Variants in STK3 observed in about 807,000 individuals in gnomAD.
STK3 encodes serine/threonine-protein kinase 3.
A neutral mutation model predicts 58.0 loss-of-function variants in STK3; 41 were observed. That is an observed-to-expected ratio of 0.71 (90% CI 0.55 to 0.92). The LOEUF (loss-of-function observed/expected upper bound fraction) is 0.92. STK3 is among the 40% of genes least tolerant of loss of function. The pLI, the probability that STK3 is intolerant of heterozygous loss-of-function variation, is 0.00. For synonymous variants in STK3, 170 were observed against 191.0 expected (o/e 0.89, Z 0.91); for missense variants, 479 against 602.7 (o/e 0.79, Z 2.15).
At chr8:98,894,444 T>C (rs1453057901) in intron 1 of STK3, among the ~76,000 whole-genome samples, 1 of 152,214 alleles carries the variant, frequency 6.6e-6, no homozygotes, top group Non-Finnish European at 1.5e-5. Flanking sequence ...CACTAGAACA[T>C]AAACTGTCAC....
intron 10 of STK3, among the ~76,000 whole-genome samples, chr8:98,475,758 T>C (rs1357622348): frequency 6.6e-6 from 1 of 152,146 alleles, no homozygotes; most frequent in African/African-American, 2.4e-5. Context: ...AGCTAAAACT[T>C]TGAGAATTAT....
chr8:98,374,656 G>A (rs564957462), intron 2 of STK3, among the ~76,000 whole-genome samples: 2 of 152,244 alleles, frequency 1.3e-5, no homozygotes, highest in East Asian at 1.9e-4. Context: ...AAAAACATCA[G>A]CTAAAACAGA....
chr8:98,876,071 G>C (rs1837550660), intron 3 of STK3, among the ~76,000 whole-genome samples: 1 of 152,156 alleles, frequency 6.6e-6, no homozygotes, highest in African/African-American at 2.4e-5. Context: ...AGTGGTTCTT[G>C]GTGTTCAGTC....
the STK3 span, among the ~76,000 whole-genome samples, chr8:98,362,809 C>A: frequency 6.6e-6 from 1 of 152,232 alleles, no homozygotes; most frequent in African/African-American, 2.4e-5. Context: ...GCTCCCTTCA[C>A]TTCCTTAGCC....
At chr8:98,521,425 CTTGT>C (rs1446336144) in intron 10 of STK3, among the ~76,000 whole-genome samples, 1 of 151,964 alleles carries the variant, frequency 6.6e-6, no homozygotes, top group Non-Finnish European at 1.5e-5. Context: ...CCTCCTCATT[CTTGT>C]TTTTCTTTTC....
At chr8:98,912,266 C>G (rs577227175) in intron 1 of STK3, among the ~76,000 whole-genome samples, 2 of 152,032 alleles carry the variant, frequency 1.3e-5, no homozygotes, top group South Asian at 2.1e-4. Context: ...GTAATCCTAG[C>G]TACTTGGAGG....
At chr8:98,879,859 C>T (rs1041683160), downstream of STK3, 3 of 152,092 alleles carry the variant, frequency 2.0e-5, no homozygotes, top group African/African-American at 7.2e-5. Context: ...GTTATTCAAA[C>T]GTGCTAAGCA....
chr8:98,729,374 T>C (rs1266440676), intron 4 of STK3, among the ~76,000 whole-genome samples: 1 of 152,186 alleles, frequency 6.6e-6, no homozygotes, highest in African/African-American at 2.4e-5. Flanking sequence ...CCTCCCAAAG[T>C]GCTGGGATTA....
At chr8:98,853,789 T>A (rs1564062569) in intron 3 of STK3, among the ~76,000 whole-genome samples, 1 of 152,222 alleles carries the variant, frequency 6.6e-6, no homozygotes, top group Non-Finnish European at 1.5e-5. Context: ...AAAGTCTGAA[T>A]AGAACTATAT....
At chr8:98,622,633 G>A (rs1398108680) in intron 6 of STK3, among the ~76,000 whole-genome samples, 2 of 152,118 alleles carry the variant, frequency 1.3e-5, no homozygotes, top group Non-Finnish European at 2.9e-5. Flanking sequence ...CTGTAACTTG[G>A]CAGAGAATTC....
chr8:98,350,853 C>G, the STK3 span, among the ~76,000 whole-genome samples: 1 of 152,130 alleles, frequency 6.6e-6, no homozygotes, highest in Non-Finnish European at 1.5e-5. Context: ...AGCTACAACT[C>G]AAAATGAGAT....
At chr8:98,401,963 A>AAATTACCCCC (rs1228493289) in intron 3 of STK3, among the ~76,000 whole-genome samples, 1 of 152,228 alleles carries the variant, frequency 6.6e-6, no homozygotes, top group East Asian at 1.9e-4. Flanking sequence ...ATAAAAGAAG[A>AAATTACCCCC]AAGTAAAAAT....
At chr8:98,719,963 T>C (rs1827281445) in intron 4 of STK3, among the ~76,000 whole-genome samples, 1 of 152,238 alleles carries the variant, frequency 6.6e-6, no homozygotes, top group African/African-American at 2.4e-5. Context: ...CCCATTCGCT[T>C]CATATCCTCC....
At chr8:98,663,024 T>C (rs909835989) in intron 6 of STK3, among the ~76,000 whole-genome samples, 3 of 152,012 alleles carry the variant, frequency 2.0e-5, no homozygotes, top group African/African-American at 7.2e-5. Flanking sequence ...CCAAAATTGA[T>C]AAATGGGATC....
intron 10 of STK3, among the ~76,000 whole-genome samples, chr8:98,466,635 G>A (rs554173856): frequency 6.6e-6 from 1 of 152,122 alleles, no homozygotes; most frequent in South Asian, 2.1e-4. Context: ...TATGTAAATG[G>A]TGACTTGTCA....
chr8:98,903,696 C>T (rs1035471885), intron 1 of STK3, among the ~76,000 whole-genome samples: 2 of 151,918 alleles, frequency 1.3e-5, no homozygotes, highest in Non-Finnish European at 2.9e-5. Context: ...AACCACTGTG[C>T]CTGGCCTTAG....
intron 10 of STK3, among the ~76,000 whole-genome samples, chr8:98,491,957 A>G (rs534843063): frequency 1.3e-5 from 2 of 152,330 alleles, no homozygotes; most frequent in East Asian, 3.9e-4. Context: ...AACAAAACAT[A>G]AAAGGCAGCA....
rs1253467433 is a variant in STK3, at chr8:98,825,523, C to A, written c.18G>T (p.Ala6=). 1 of 1,456,356 alleles carries A rather than the reference C, an allele frequency of 6.9e-7. No individual in the cohort carries two copies. Among genetic ancestry groups the A allele is most frequent in the Middle Eastern group, 2.2e-4 (1 of 4,546 alleles). The allele number at this position is 1,456,356 out of a possible 1,614,324, so 90.2% of individuals were successfully genotyped here. The change falls in exon 1 of 11, where the codon GCG becomes GCT. Residue 6 remains alanine, a synonymous_variant. Coordinates refer to ENST00000419617, the MANE Select transcript of STK3 (RefSeq NM_006281.4). MEQPP[A]PKSKLKKLSE... ...GCTCCCCGATTCGTTACCTCTTAGGCGCCGGCGGCTGCTCCATGGCGGCCG... is the reference window on the plus strand; with the variant it reads ...GCTCCCCGATTCGTTACCTCTTAGGAGCCGGCGGCTGCTCCATGGCGGCCG...
chr8:98,484,642 C>CT (rs1167309436), intron 10 of STK3, among the ~76,000 whole-genome samples: 2 of 151,278 alleles, frequency 1.3e-5, no homozygotes, highest in African/African-American at 2.4e-5. Flanking sequence ...AGACAGGTAC[C>CT]TTTGGGGAAG....
Sources: gnomAD v4.1 joint callset for allele counts (sites outside exome capture counted in the v4.1 genomes callset) on GRCh38, gnomAD v4.1.1 for gene constraint, MANE v1.5 for transcripts, NCBI Gene and HGNC (gene_info 2026-07-23, HGNC 2026-07-21) for gene names.